Variants in KLF12 observed in about 807,000 individuals in gnomAD.
KLF12 encodes KLF transcription factor 12, also known as Krueppel-like factor 12.
In KLF12, 9 loss-of-function variants were observed where a neutral mutation model predicts 37.8. The observed-to-expected ratio is 0.24, with a 90% CI of 0.14 to 0.42. The LOEUF (loss-of-function observed/expected upper bound fraction) is 0.42. Among genes scored for constraint, KLF12 ranks in the 10% least tolerant of loss-of-function variants. The pLI is 1.00. For synonymous variants in KLF12, 208 were observed against 202.1 expected (o/e 1.03, Z -0.25); for missense variants, 411 against 516.0 (o/e 0.80, Z 1.97).
At chr13:74,172,141 C>CAACACACACACA in the KLF12 span, among the ~76,000 whole-genome samples, 2 of 12,316 alleles carry the variant, frequency 1.6e-4, no homozygotes, top group Admixed American at 1.2e-3. Flanking sequence ...ATTTTCCTCA[C>CAACACACACACA]GACACACACA....
At chr13:73,812,933 AG>A in intron 5 of KLF12, 1 of 478,602 alleles carries the variant, frequency 2.1e-6, no homozygotes, top group Non-Finnish European at 3.7e-6. Flanking sequence ...AGATGCACAT[AG>A]GTCTTATATC....
chr13:73,815,252 C>A (rs1594123665), intron 4 of KLF12, among the ~76,000 whole-genome samples: 1 of 152,180 alleles, frequency 6.6e-6, no homozygotes, highest in Non-Finnish European at 1.5e-5. Flanking sequence ...AGTTCCATCA[C>A]TATCTGGTAA....
At chr13:73,726,302 C>T (rs1434827996) in intron 6 of KLF12, among the ~76,000 whole-genome samples, 3 of 152,190 alleles carry the variant, frequency 2.0e-5, no homozygotes, top group Admixed American at 6.5e-5. Context: ...TTTACTCACA[C>T]ATCATGAAGT....
At chr13:73,930,636 C>T (rs1889621981) in intron 3 of KLF12, among the ~76,000 whole-genome samples, 1 of 152,074 alleles carries the variant, frequency 6.6e-6, no homozygotes, top group Non-Finnish European at 1.5e-5. Flanking sequence ...CATAGTATTT[C>T]TGAGTAAAAT....
At chr13:73,869,575 G>T (rs1886364258) in intron 3 of KLF12, among the ~76,000 whole-genome samples, 1 of 151,644 alleles carries the variant, frequency 6.6e-6, no homozygotes, top group African/African-American at 2.4e-5. Flanking sequence ...ATTTCTCCTA[G>T]ATTTTCTATA....
At chr13:73,909,482 G>A (rs1439224419) in intron 3 of KLF12, among the ~76,000 whole-genome samples, 1 of 152,060 alleles carries the variant, frequency 6.6e-6, no homozygotes, top group Admixed American at 6.5e-5. Context: ...GTTCCTCTGT[G>A]GACTAAATGC....
chr13:74,021,872 A>T (rs916907995), intron 1 of KLF12, among the ~76,000 whole-genome samples: 1 of 152,206 alleles, frequency 6.6e-6, no homozygotes. Flanking sequence ...GAGTGCTTTT[A>T]AGAACTGCCA....
At position 74,105,638 on chromosome 13, in the gene KLF12, T is replaced by G. The variant is rs183452062; in HGVS notation, c.-32+28101A>C. On this transcript the variant is annotated intron_variant, in intron 1 of 7. Transcript: ENST00000377669. ...GGGATGCACAGGCTGAATTCTTGGA[T>G]TCACTGAACAAGTAGGAGAAATGGC... Among the ~76,000 whole-genome samples, 17 of 152,138 alleles carry G rather than the reference T, an allele frequency of 1.1e-4. No individual in the cohort carries two copies. The East Asian group carries it at 1.5e-3, about 14-fold the overall frequency.
At chr13:74,100,064 T>C (rs1039140772) in intron 1 of KLF12, among the ~76,000 whole-genome samples, 3 of 151,958 alleles carry the variant, frequency 2.0e-5, no homozygotes, top group Admixed American at 1.3e-4. Context: ...GCACGCAGCA[T>C]GGAGGCACGC....
rs1363201164 is a variant in KLF12, at chr13:73,805,634, GAGGGAGGGAGGGAGGGAGGAAGGAAGGA to G, written c.806+7490_806+7517del. On this transcript the variant is annotated intron_variant, in intron 5 of 7. Coordinates refer to ENST00000377669, the MANE Select transcript of KLF12 (RefSeq NM_007249.5). ...GAAGGGAGGGAGGGAGGGAGGGAGGGAGGGAGGGAGGGAGGGAGGAAGGAAGGAAGGAAGGAAGGAAGGAAGGAAGGAA... is the reference window on the plus strand; with the variant it reads ...GAAGGGAGGGAGGGAGGGAGGGAGGGAGGAAGGAAGGAAGGAAGGAAGGAA... Among the ~76,000 whole-genome samples the G allele has an allele frequency of 7.6e-3, 363 of 47,858 alleles. 2 individuals are homozygous for G. The highest frequency in any genetic ancestry group is 0.019 in the East Asian group (20 of 1,074). The allele number at this position is 47,858 out of a possible 152,430, so 31.4% of individuals were successfully genotyped here.
At chr13:73,839,008 C>G (rs1884588612) in intron 4 of KLF12, among the ~76,000 whole-genome samples, 2 of 152,012 alleles carry the variant, frequency 1.3e-5, no homozygotes, top group South Asian at 4.2e-4. Flanking sequence ...AGGTTACCAT[C>G]AAGGTTACTG....
Position 73,777,153 on chromosome 13 carries a change from G to A in KLF12, c.807-12153C>T, listed in dbSNP as rs76356926. ...CAGTGAATGGTGTGAGATTTGGGCTGGGTGTCCTAAGATACAGCTTTTGTG... is the reference window on the plus strand; with the variant it reads ...CAGTGAATGGTGTGAGATTTGGGCTAGGTGTCCTAAGATACAGCTTTTGTG... On this transcript the variant is annotated intron_variant, in intron 5 of 7. Transcript: ENST00000377669. Among the ~76,000 whole-genome samples the A allele has an allele frequency of 5.1e-3, 781 of 152,290 alleles. 12 individuals carry two copies. The highest frequency in any genetic ancestry group is 0.018 in the African/African-American group (747 of 41,560).
the KLF12 span, among the ~76,000 whole-genome samples, chr13:74,178,054 G>C: frequency 6.6e-6 from 1 of 152,216 alleles, no homozygotes; most frequent in African/African-American, 2.4e-5. Context: ...TCCGTGGCTG[G>C]TATAGCATTC....
chr13:73,980,427 G>A (rs1566492032), intron 2 of KLF12, among the ~76,000 whole-genome samples: 1 of 152,034 alleles, frequency 6.6e-6, no homozygotes, highest in Non-Finnish European at 1.5e-5. Flanking sequence ...TATGAAAATA[G>A]ATGCAAATAT....
the KLF12 span, among the ~76,000 whole-genome samples, chr13:74,232,439 A>T: frequency 2.0e-5 from 3 of 152,142 alleles, no homozygotes; most frequent in African/African-American, 7.2e-5. Context: ...TTATTCATTC[A>T]TATATGTTTG....
At chr13:74,165,253 A>G in the KLF12 span, among the ~76,000 whole-genome samples, 14 of 151,476 alleles carry the variant, frequency 9.2e-5, no homozygotes, top group African/African-American at 3.4e-4. Flanking sequence ...GACTCTTTTC[A>G]TCCTTCAACT....
In KLF12 at chr13:73,974,252, A is replaced by G. The variant is rs188878403; in HGVS notation, c.33+20738T>C. Among the ~76,000 whole-genome samples the G allele has an allele frequency of 4.6e-5, 7 of 152,118 alleles. No individual in the cohort carries two copies. In the East Asian group the frequency reaches 1.4e-3, roughly 30 times the overall value. On this transcript the variant is annotated intron_variant, in intron 2 of 7. Transcript: ENST00000377669. The stretch of plus-strand genomic sequence containing the variant: ...TGAAATAACAGACAGTGTTCCAGGA[A>G]AAATTGTTACAGAATGATCCAAAAA...
At chr13:74,248,712 G>A in the KLF12 span, among the ~76,000 whole-genome samples, 1 of 152,188 alleles carries the variant, frequency 6.6e-6, no homozygotes, top group African/African-American at 2.4e-5. Context: ...TATTGGCTGT[G>A]TGTTTCTCTC....
Position 73,687,581 on chromosome 13 carries a change from A to T in KLF12, c.*7909T>A, listed in dbSNP as rs924591849. ...ACTTTTTATGATTTTTTTTTTTGCC[A>T]TATCTTTGGAGCATGAAATTAGCAG... On this transcript the variant is annotated 3_prime_UTR_variant, in exon 8 of 8. Transcript: ENST00000377669. 6.6e-6 allele frequency: 1 copy of T among 151,812 alleles called. No homozygotes were observed. The highest frequency in any genetic ancestry group is 1.5e-5 in the Non-Finnish European group (1 of 67,922). 9.4% of individuals were successfully genotyped at this position (151,812 alleles called of 1,614,324 possible).
Sources: gnomAD v4.1 joint callset for allele counts (sites outside exome capture counted in the v4.1 genomes callset) on GRCh38, gnomAD v4.1.1 for gene constraint, MANE v1.5 for transcripts, NCBI Gene and HGNC (gene_info 2026-07-23, HGNC 2026-07-21) for gene names.